Variants in AIMP2 observed in about 807,000 individuals in gnomAD.
The protein encoded by AIMP2 is aminoacyl tRNA synthase complex-interacting multifunctional protein 2.
In AIMP2, 20 loss-of-function variants were observed where a neutral mutation model predicts 23.4. The ratio of observed to expected loss-of-function variants is 0.85; its 90% CI spans 0.60 to 1.24. The LOEUF is 1.24. Ranked by LOEUF, AIMP2 falls within the 50% of genes most tolerant of loss-of-function variation. AIMP2 has a pLI of 0.00. For missense variants in AIMP2, 515 were observed against 414.5 expected (o/e 1.24, Z -2.10); for synonymous variants, 210 against 170.4 (o/e 1.23, Z -1.81).
chr7:6,015,419 C>T (rs1786965939), intron 2 of AIMP2, 67 bp downstream of exon 2: 13 of 1,547,684 alleles, frequency 8.4e-6, no homozygotes, highest in Non-Finnish European at 1.2e-5. Context: ...AATTGTGCTG[C>T]TGTGATTAAA....
chr7:6,017,767 C>T, intron 2 of AIMP2, 47 bp from the exon 3 acceptor site: 1 of 1,536,440 alleles, frequency 6.5e-7, no homozygotes, highest in East Asian at 2.3e-5. Flanking sequence ...GGCACAGTGG[C>T]ACTCTCCGAT....
intron 1 of AIMP2, chr7:6,014,868 T>A (rs1334401207): frequency 9.9e-6 from 4 of 403,544 alleles, no homozygotes; most frequent in Non-Finnish European, 1.7e-5. Context: ...TACAGTTGCG[T>A]GCCACCATGC....
intron 3 of AIMP2, among the ~76,000 whole-genome samples, chr7:6,021,935 G>A (rs10951975): frequency 2.6e-5 from 4 of 151,912 alleles, no homozygotes; most frequent in Admixed American, 6.6e-5. Context: ...CTTGCCTCTC[G>A]TCCTTTCCTG....
rs1554314620 is a variant in AIMP2, at chr7:6,018,149, T to TTC, written c.574+105_574+106insCT. On this transcript the variant is annotated intron_variant, in intron 3 of 3. Transcript: ENST00000223029. Reference sequence around the variant, plus strand: ...ACATGTGGATTTTTTTCTTTTTCTTTTTTTTTTTTTTTTTTGAGACAGAGT... The same window carrying TTC: ...ACATGTGGATTTTTTTCTTTTTCTTTTCTTTTTTTTTTTTTTTGAGACAGAGT... 8.0e-5 allele frequency: 21 copies of TTC among 263,940 alleles called. No homozygotes were observed. In the South Asian group the frequency reaches 1.3e-3, roughly 16 times the overall value. The allele number at this position is 263,940 out of a possible 1,614,324, so 16.3% of individuals were successfully genotyped here.
intron 1 of AIMP2, among the ~76,000 whole-genome samples, chr7:6,011,543 G>C (rs1786690908): frequency 6.6e-6 from 1 of 152,126 alleles, no homozygotes; most frequent in South Asian, 2.1e-4. Flanking sequence ...TGGGTGAATC[G>C]GTAACTTTTC....
At chr7:6,023,211 G>C in intron 3 of AIMP2, 92 bp from the exon 4 acceptor site, 1 of 1,389,258 alleles carries the variant, frequency 7.2e-7, no homozygotes, top group Non-Finnish European at 9.7e-7. Flanking sequence ...TCATCAGTCT[G>C]TGGTGTTTGG....
chr7:6,020,473 A>G (rs1012782663), intron 3 of AIMP2, among the ~76,000 whole-genome samples: 3 of 152,228 alleles, frequency 2.0e-5, no homozygotes, highest in African/African-American at 7.2e-5. Context: ...GATTACTGTT[A>G]GGCATACCTA....
chr7:6,020,813 A>G (rs1030487519), intron 3 of AIMP2, among the ~76,000 whole-genome samples: 10 of 152,188 alleles, frequency 6.6e-5, no homozygotes, highest in Non-Finnish European at 1.0e-4. Context: ...AAAGAAGGGA[A>G]GTGAGCCCCA....
At chr7:6,012,580 CAG>C (rs775387624) in intron 1 of AIMP2, 20 of 196,798 alleles carry the variant, frequency 1.0e-4, no homozygotes, top group Middle Eastern at 2.1e-3. Context: ...GTTTTTGAGA[CAG>C]AGTCTCACTC....
At position 6,009,290 on chromosome 7, in the gene AIMP2, C is replaced by A. The variant is rs1490385831; in HGVS notation, c.-74C>A. Reference sequence around the variant, plus strand: ...CAGGGTCAGAAGGGAGGTGGCCGGTCTCCGTCGTGACCTCTGACGGTTTCT... The same window carrying A: ...CAGGGTCAGAAGGGAGGTGGCCGGTATCCGTCGTGACCTCTGACGGTTTCT... On this transcript the variant is annotated 5_prime_UTR_variant, in exon 1 of 4. Coordinates refer to ENST00000223029, the MANE Select transcript of AIMP2 (RefSeq NM_006303.4). 1 of 1,608,622 alleles carries A rather than the reference C, an allele frequency of 6.2e-7. No homozygotes were observed. The highest frequency in any genetic ancestry group is 8.5e-7 in the Non-Finnish European group (1 of 1,178,258).
Position 6,017,894 on chromosome 7 carries a change from G to C in AIMP2, c.423G>C (p.Leu141=), listed in dbSNP as rs762290684. 24 of 1,613,990 alleles carry C rather than the reference G, an allele frequency of 1.5e-5. No homozygotes were observed. Among genetic ancestry groups the C allele is most frequent in the Middle Eastern group, 1.6e-4 (1 of 6,084 alleles). ...PPLSLLVLHR[L]LCEHFRVLST... is the part of the protein sequence containing the mutation. ...TCTCCCTGCTTGTGCTGCACAGGCTGCTCTGTGAGCACTTCAGGGTCCTGT... is the reference window on the plus strand; with the variant it reads ...TCTCCCTGCTTGTGCTGCACAGGCTCCTCTGTGAGCACTTCAGGGTCCTGT... Residue 141 remains leucine (L), a synonymous_variant, in exon 3 of 4, where the codon CTG becomes CTC. Transcript: ENST00000223029.
intron 3 of AIMP2, 69 bp downstream of exon 3, chr7:6,018,114 G>A (rs1021162053): frequency 3.4e-6 from 4 of 1,168,342 alleles, no homozygotes; most frequent in Non-Finnish European, 2.4e-6. Flanking sequence ...TCACCTGCAT[G>A]AGTCCATTTA....
chr7:6,009,277 G>A lies in AIMP2; in HGVS notation c.-87G>A. ...CGAACGCCCGCAGCAGGGTCAGAAG[G>A]GAGGTGGCCGGTCTCCGTCGTGACC... On this transcript the variant is annotated 5_prime_UTR_variant, in exon 1 of 4. Transcript: ENST00000223029. 3.7e-6 allele frequency: 6 copies of A among 1,603,670 alleles called. No individual in the cohort carries two copies. Among genetic ancestry groups the A allele is most frequent in the Admixed American group, 3.4e-5 (2 of 59,666 alleles).
At chr7:6,014,326 T>G (rs926334243) in intron 1 of AIMP2, among the ~76,000 whole-genome samples, 2 of 147,510 alleles carry the variant, frequency 1.4e-5, no homozygotes, top group African/African-American at 2.5e-5. Context: ...GGTGCGATCT[T>G]GGCTCACTGC....
In AIMP2 at chr7:6,015,279, C is replaced by T. The variant is rs368008892; in HGVS notation, c.269C>T (p.Thr90Ile). Reference protein sequence around the residue: ...IQTPDADLDVTNIIQADEPTT... With the variant: ...IQTPDADLDVINIIQADEPTT... The stretch of plus-strand genomic sequence containing the variant: ...ACACCAGATGCAGACTTGGATGTAA[C>T]CAACATAATCCAAGCGGATGAGCCC... Residue 90 changes from threonine to isoleucine, a missense_variant, in exon 2 of 4, where the codon ACC becomes ATC. Thr to Ile is a moderately conservative substitution (Grantham distance 89). Transcript: ENST00000223029. The T allele has an allele frequency of 6.2e-7, 1 of 1,614,142 alleles. No homozygotes were observed. Among genetic ancestry groups the T allele is most frequent in the South Asian group, 1.1e-5 (1 of 91,084 alleles).
chr7:6,018,016 A>G lies in AIMP2; in HGVS notation c.545A>G (p.Gln182Arg). The G allele has an allele frequency of 1.2e-6, 2 of 1,614,030 alleles. No homozygotes were observed. The highest frequency in any genetic ancestry group is 1.7e-6 in the Non-Finnish European group (2 of 1,179,992). Residue 182 changes from glutamine (Q) to arginine (R), a missense_variant, in exon 3 of 4, where the codon CAG becomes CGG. Transcript: ENST00000223029. ...AAAAAACAGCCCCGCCAAGACTATC[A>G]GCTGGGATTCACTTTAATTTGGAAG... Reference protein sequence around the residue: ...QNKKQPRQDYQLGFTLIWKNV... With the variant: ...QNKKQPRQDYRLGFTLIWKNV...
Position 6,009,978 on chromosome 7 carries a change from T to TATAC in AIMP2, c.135+483_135+484insCATA, listed in dbSNP as rs1786501474. On this transcript the variant is annotated intron_variant, in intron 1 of 3. Transcript: ENST00000223029. The stretch of plus-strand genomic sequence containing the variant: ...AAAAAAAAAAAAAAAAAAAAAAATA[T>TATAC]ATATATATATATATGTATGTATCTT... Among the ~76,000 whole-genome samples, 3 of 62,092 alleles carry TATAC rather than the reference T, an allele frequency of 4.8e-5. 1 individual carries two copies. Among genetic ancestry groups the TATAC allele is most frequent in the Admixed American group, 3.6e-4 (2 of 5,616 alleles). 40.7% of individuals were successfully genotyped at this position (62,092 alleles called of 152,430 possible).
intron 2 of AIMP2, among the ~76,000 whole-genome samples, chr7:6,015,701 G>A (rs939869060): frequency 5.3e-5 from 8 of 152,230 alleles, no homozygotes; most frequent in Admixed American, 3.9e-4. Context: ...TCCAGCCTGG[G>A]CGACAGAGCG....
Position 6,017,942 on chromosome 7 carries a change from G to A in AIMP2, c.471G>A (p.Ser157=), listed in dbSNP as rs370990323. Residue 157 remains serine (S), a synonymous_variant, in exon 3 of 4, where the codon TCG becomes TCA. Coordinates refer to ENST00000223029, the MANE Select transcript of AIMP2 (RefSeq NM_006303.4). ...TGTCCACGGTGCACACGCACTCCTC[G>A]GTCAAGAGCGTGCCTGAAAACCTTC... ...RVLSTVHTHS[S]VKSVPENLLK... 1.5e-4 allele frequency: 238 copies of A among 1,613,918 alleles called. 1 individual carries two copies. The highest frequency in any genetic ancestry group is 1.0e-3 in the South Asian group (92 of 91,074).
Sources: gnomAD v4.1 joint callset for allele counts (sites outside exome capture counted in the v4.1 genomes callset) on GRCh38, gnomAD v4.1.1 for gene constraint, MANE v1.5 for transcripts, NCBI Gene and HGNC (gene_info 2026-07-23, HGNC 2026-07-21) for gene names.